LARP7: variants seen among roughly 807,000 people sequenced by gnomAD.
LARP7 encodes la-related protein 7.
In LARP7, 52 loss-of-function variants were observed where a neutral mutation model predicts 69.3. That is an observed-to-expected ratio of 0.75 (90% CI 0.60 to 0.95). The LOEUF (loss-of-function observed/expected upper bound fraction) is 0.95, where lower values mean the gene tolerates loss of function less well. Ranked by LOEUF, LARP7 falls within the 40% of genes least tolerant of loss-of-function variation. LARP7 has a pLI of 0.00. For missense variants in LARP7, 733 were observed against 673.0 expected (o/e 1.09, Z -0.99); for synonymous variants, 254 against 215.9 (o/e 1.18, Z -1.55).
At position 112,647,117 on chromosome 4, in the gene LARP7, A is replaced by G. The variant is rs1412647447; in HGVS notation, c.636A>G (p.Leu212=). 6.2e-7 allele frequency: 1 copy of G among 1,607,848 alleles called. No homozygotes were observed. Among genetic ancestry groups the G allele is most frequent in the East Asian group, 2.2e-5 (1 of 44,866 alleles). ...TGAAAAATAAGCCCATTCCAGCCTT[A>G]AGAGTTGTGGGTGAGTATTTTTCAA... ...KTVKNKPIPA[L]RVVEEKKKKK... Residue 212 remains leucine, a synonymous_variant, in exon 6 of 13, where the codon TTA becomes TTG. Transcript: ENST00000344442.
rs1560936419 is a variant in LARP7 at position 112,647,741 on chromosome 4, G to A, written c.1049G>A (p.Ser350Asn). 1.9e-6 allele frequency: 3 copies of A among 1,565,042 alleles called. No individual in the cohort carries two copies. The highest frequency in any genetic ancestry group is 1.9e-5 in the Admixed American group (1 of 52,932). Reference protein sequence around the residue: ...EEKDTGDLKDSSLLKTKRKHK... With the variant: ...EEKDTGDLKDNSLLKTKRKHK... ...AAGGATACTGGAGATCTAAAAGATA[G>A]CTCTCTCTTGAAAACAAAAAGGAAA... Residue 350 changes from serine to asparagine, a missense_variant, in exon 8 of 13, where the codon AGC (serine) becomes AAC (asparagine). By Grantham distance (46) the Ser-to-Asn change is conservative. Transcript: ENST00000344442.
intron 1 of LARP7, among the ~76,000 whole-genome samples, chr4:112,639,519 C>T (rs182841518): frequency 1.3e-5 from 2 of 151,590 alleles, no homozygotes; most frequent in African/African-American, 4.8e-5. Context: ...CGTGAGCCAC[C>T]GCGCCTGGCC....
At chr4:112,648,085 G>A (rs768639028) in intron 8 of LARP7, 3 of 601,240 alleles carry the variant, frequency 5.0e-6, no homozygotes, top group Non-Finnish European at 9.9e-6. Context: ...CCCCTTAACA[G>A]ATGTAAAAAT....
intron 1 of LARP7, among the ~76,000 whole-genome samples, chr4:112,641,488 A>T (rs917651743): frequency 6.6e-6 from 1 of 151,668 alleles, no homozygotes; most frequent in Non-Finnish European, 1.5e-5. Flanking sequence ...AGAATCGATT[A>T]TAAGGGAAGA....
At position 112,650,488 on chromosome 4, in the gene LARP7, A is replaced by C. The variant is rs1328317325; in HGVS notation, c.1322A>C (p.Gln441Pro). The part of the protein sequence containing the change: ...KTANREECRT[Q>P]EKVNATGPQF... ...GCCAACAGGGAAGAGTGTCGCACCC[A>C]GGAGAAAGTTAATGCAACAGGACCA... Residue 441 changes from glutamine to proline, a missense_variant, in exon 10 of 13, where the codon CAG (glutamine) becomes CCG (proline). By Grantham distance (76) the Gln-to-Pro change is moderately conservative. Coordinates refer to ENST00000344442, the MANE Select transcript of LARP7 (RefSeq NM_016648.4). 1.2e-6 allele frequency: 2 copies of C among 1,613,648 alleles called. No homozygotes were observed. The highest frequency in any genetic ancestry group is 1.7e-6 in the Non-Finnish European group (2 of 1,179,794).
At chr4:112,644,303 C>T (rs2048077826) in intron 1 of LARP7, 4 of 275,736 alleles carry the variant, frequency 1.5e-5, no homozygotes, top group South Asian at 1.7e-4. Context: ...GGGGGTGTTG[C>T]GATGGAGAGG....
intron 9 of LARP7, 73 bp from the exon 10 acceptor site, chr4:112,650,388 G>A: frequency 2.8e-6 from 4 of 1,409,832 alleles, no homozygotes; most frequent in Non-Finnish European, 2.9e-6. Flanking sequence ...TTATTCTAAG[G>A]TAGTCCTCCT....
At chr4:112,647,172 GAACT>G (rs1560932168) in intron 6 of LARP7, 23 bp from the exon 7 acceptor site, 22 of 1,592,224 alleles carry the variant, frequency 1.4e-5, no homozygotes, top group Admixed American at 5.6e-5. Flanking sequence ...GAAGTAAGAT[GAACT>G]AATAATGATG....
At chr4:112,640,971 G>A (rs1180003376) in intron 1 of LARP7, among the ~76,000 whole-genome samples, 3 of 152,192 alleles carry the variant, frequency 2.0e-5, no homozygotes, top group Admixed American at 2.0e-4. Context: ...TTTAAAGAAC[G>A]AAAAGATGGT....
chr4:112,644,719 C>A lies in LARP7; in HGVS notation c.50C>A (p.Thr17Asn), dbSNP rs1335444372. 6.2e-6 allele frequency: 10 copies of A among 1,609,834 alleles called. No homozygotes were observed. Among genetic ancestry groups the A allele is most frequent in the Non-Finnish European group, 8.5e-6 (10 of 1,177,658 alleles). Residue 17 changes from threonine (T) to asparagine (N), a missense_variant, in exon 2 of 13, where the codon ACT becomes AAT. Transcript: ENST00000344442. ...GAAAAGGTAATGGAAGAAGAAAGCACTGAAAAGAAAAAAGAAGTTGAAAAA... is the reference window on the plus strand; with the variant it reads ...GAAAAGGTAATGGAAGAAGAAAGCAATGAAAAGAAAAAAGAAGTTGAAAAA... Reference protein sequence around the residue: ...NQEKVMEEESTEKKKEVEKKK... With the variant: ...NQEKVMEEESNEKKKEVEKKK...
Position 112,649,683 on chromosome 4 carries a change from A to G in LARP7, c.1291A>G (p.Lys431Glu). ...TCAAAACACTGGAATGAAAAATGAA[A>G]AAAGTAAAGATCACTGATAGTTTTG... ...VPQNTGMKNE[K>E]TANREECRTQ... Residue 431 changes from lysine (K) to glutamate (E), a missense_variant, in exon 9 of 13, where the codon AAA becomes GAA. By Grantham distance (56) the Lys-to-Glu change is moderately conservative. Coordinates refer to ENST00000344442, the MANE Select transcript of LARP7 (RefSeq NM_016648.4). 1.9e-6 allele frequency: 3 copies of G among 1,586,152 alleles called. No homozygotes were observed. In the East Asian group the frequency reaches 6.8e-5, roughly 36 times the overall value.
chr4:112,646,294 C>G, intron 2 of LARP7, 57 bp from the exon 3 acceptor site: 1 of 885,944 alleles, frequency 1.1e-6, no homozygotes, highest in South Asian at 1.6e-5. Context: ...TTAAATTGTA[C>G]CAAATTGAAT....
chr4:112,651,872 CATT>C (rs1560948008), intron 10 of LARP7, among the ~76,000 whole-genome samples: 1 of 152,082 alleles, frequency 6.6e-6, no homozygotes, highest in African/African-American at 2.4e-5. Context: ...TTATAAAACT[CATT>C]ACTACTACTG....
chr4:112,646,525 T>A, intron 3 of LARP7, 63 bp from the exon 4 acceptor site: 1 of 1,268,000 alleles, frequency 7.9e-7, no homozygotes. Flanking sequence ...ATGATTATTA[T>A]ATGATTATAG....
chr4:112,652,184 G>A (rs930067255), intron 10 of LARP7, among the ~76,000 whole-genome samples: 1 of 150,634 alleles, frequency 6.6e-6, no homozygotes, highest in Non-Finnish European at 1.5e-5. Context: ...GTATTGCTCA[G>A]TTCTTTCCGT....
In LARP7 at chr4:112,646,274, G is replaced by C. The variant is rs373982853; in HGVS notation, c.203-77G>C. ...CATGAGCCACCGAGCCTGAGGGCCTGAGGGGCAGGTTAAATTGTACCAAAT... is the reference window on the plus strand; with the variant it reads ...CATGAGCCACCGAGCCTGAGGGCCTCAGGGGCAGGTTAAATTGTACCAAAT... On this transcript the variant is annotated intron_variant, in intron 2 of 12. Coordinates refer to ENST00000344442, the MANE Select transcript of LARP7 (RefSeq NM_016648.4). 5.4e-5 allele frequency: 39 copies of C among 720,064 alleles called. No homozygotes were observed. The East Asian group carries it at 5.4e-4, about 10-fold the overall frequency. 44.6% of individuals were successfully genotyped at this position (720,064 alleles called of 1,614,324 possible).
chr4:112,647,395 A>G lies in LARP7; in HGVS notation c.843A>G (p.Arg281=). 2 of 1,614,132 alleles carry G rather than the reference A, an allele frequency of 1.2e-6. No homozygotes were observed. Among genetic ancestry groups the G allele is most frequent in the Non-Finnish European group, 1.7e-6 (2 of 1,180,010 alleles). ...CAAAGAAAAAGAAAAAACGGGACAG[A>G]GTTGAAGCATCTAGCTTACCTGAAG... The part of the protein sequence containing the change: ...QCSKKKKKRD[R]VEASSLPEVR... The change falls in exon 7 of 13, where the codon AGA becomes AGG. Residue 281 remains arginine (R), a synonymous_variant. Transcript: ENST00000344442.
chr4:112,657,170 TTGTGTGTGTG>T (rs35719274), intron 12 of LARP7, 67 bp from the exon 13 acceptor site: 50 of 516,928 alleles, frequency 9.7e-5, no homozygotes, highest in South Asian at 2.1e-4. Context: ...AGTCATAGTT[TTGTGTGTGTG>T]TGTGTGTGTG....
At position 112,646,386 on chromosome 4, in the gene LARP7, A is replaced by G; in HGVS notation, c.238A>G (p.Met80Val). ...ATCACTACTTGTGTCTTTTAACAAA[A>G]TGAAAAAATTGACTACTGATGGGAA... ...DISLLVSFNK[M>V]KKLTTDGKLI... The change falls in exon 3 of 13, where the codon ATG becomes GTG. Residue 80 changes from methionine (M) to valine (V), a missense_variant. Coordinates refer to ENST00000344442, the MANE Select transcript of LARP7 (RefSeq NM_016648.4). The G allele has an allele frequency of 2.5e-6, 4 of 1,597,096 alleles. No individual in the cohort carries two copies. The highest frequency in any genetic ancestry group is 3.4e-6 in the Non-Finnish European group (4 of 1,165,826).
Sources: gnomAD v4.1 joint callset for allele counts (sites outside exome capture counted in the v4.1 genomes callset) on GRCh38, gnomAD v4.1.1 for gene constraint, MANE v1.5 for transcripts, NCBI Gene and HGNC (gene_info 2026-07-23, HGNC 2026-07-21) for gene names.